SNAP91: variants seen among roughly 807,000 people sequenced by gnomAD.
SNAP91 encodes synaptosome associated protein 91, also known as clathrin coat assembly protein AP180.
Under a neutral mutation model 100.3 loss-of-function variants are expected in SNAP91, and 27 were observed. That is an observed-to-expected ratio of 0.27 (90% CI 0.20 to 0.37). The LOEUF (loss-of-function observed/expected upper bound fraction) is 0.37, where lower values mean the gene tolerates loss of function less well. Among genes scored for constraint, SNAP91 ranks in the 10% least tolerant of loss-of-function variants. The pLI is 1.00. For synonymous variants in SNAP91, 404 were observed against 398.6 expected (o/e 1.01, Z -0.16); for missense variants, 986 against 1,123.7 (o/e 0.88, Z 1.75).
rs1184488770 is a variant in SNAP91, at chr6:83,607,785, C to T, written c.936G>A (p.Thr312=). The change falls in exon 13 of 30, where the codon ACG becomes ACA. Residue 312 remains threonine (T), a synonymous_variant. Coordinates refer to ENST00000369694, the MANE Select transcript of SNAP91 (RefSeq NM_001242792.2). ...LSKSSPATTV[T]SPNSTPAKTI... ...TTTTAGCTGGTGTAGAATTAGGAGA[C>T]GTAACAGTTGTGGCTGGAGAAGACT... 1.1e-5 allele frequency: 17 copies of T among 1,589,790 alleles called. No homozygotes were observed. Among genetic ancestry groups the T allele is most frequent in the African/African-American group, 2.7e-5 (2 of 74,538 alleles).
At chr6:83,656,721 T>A in intron 7 of SNAP91, 33 bp downstream of exon 7, 1 of 985,036 alleles carries the variant, frequency 1.0e-6, no homozygotes, top group Non-Finnish European at 1.6e-6. Context: ...GTGTATCCCA[T>A]CAGCCCAGAC....
intron 7 of SNAP91, among the ~76,000 whole-genome samples, chr6:83,641,987 T>A (rs570385216): frequency 6.6e-6 from 1 of 152,232 alleles, no homozygotes; most frequent in Admixed American, 6.5e-5. Flanking sequence ...ACTTCATCAG[T>A]GTTTTAATCA....
chr6:83,657,789 C>T (rs1413981862), intron 6 of SNAP91, among the ~76,000 whole-genome samples: 1 of 148,892 alleles, frequency 6.7e-6, no homozygotes, highest in African/African-American at 2.5e-5. Context: ...TTTTTTGAGA[C>T]AGAGTCTCAC....
In SNAP91 at chr6:83,707,642, G is replaced by C. The variant is rs892692281; in HGVS notation, c.130+156C>G. Among the ~76,000 whole-genome samples the C allele has an allele frequency of 1.1e-4, 16 of 152,052 alleles. No individual in the cohort carries two copies. In the South Asian group the frequency reaches 2.3e-3, roughly 22 times the overall value. On this transcript the variant is annotated intron_variant, in intron 2 of 29. Transcript: ENST00000369694. ...AGACAAGGTTTCATGGCTAACCCAA[G>C]GGAACACCTTCACAGCTGAAGAATT...
chr6:83,665,782 T>C lies in SNAP91; in HGVS notation c.131-201A>G, dbSNP rs139491229. On this transcript the variant is annotated intron_variant, in intron 2 of 29. Transcript: ENST00000369694. ...ATATTATTTACCCAATATATTTATT[T>C]ATTCTTGAGTATATTTTGCTACTTA... 5.8e-3 allele frequency among the ~76,000 whole-genome samples: 879 copies of C among 152,200 alleles called. 30 individuals are homozygous for C. Among genetic ancestry groups the C allele is most frequent in the Admixed American group, 0.046 (694 of 15,236 alleles).
chr6:83,693,234 T>C (rs972447963), intron 2 of SNAP91, among the ~76,000 whole-genome samples: 23 of 152,150 alleles, frequency 1.5e-4, no homozygotes, highest in African/African-American at 4.8e-4. Context: ...TTAACCTCCT[T>C]GGGCATTGTT....
intron 11 of SNAP91, among the ~76,000 whole-genome samples, chr6:83,612,581 A>G (rs2096207033): frequency 6.6e-6 from 1 of 152,166 alleles, no homozygotes; most frequent in African/African-American, 2.4e-5. Flanking sequence ...ATACTAATAA[A>G]GAAAAGAGAA....
At chr6:83,690,600 A>G (rs2099118005) in intron 2 of SNAP91, among the ~76,000 whole-genome samples, 1 of 152,178 alleles carries the variant, frequency 6.6e-6, no homozygotes, top group African/African-American at 2.4e-5. Context: ...ATGCATTTCC[A>G]TAGGAATAAA....
intron 7 of SNAP91, among the ~76,000 whole-genome samples, chr6:83,654,219 G>A (rs1418717259): frequency 6.6e-6 from 1 of 152,084 alleles, no homozygotes; most frequent in African/African-American, 2.4e-5. Flanking sequence ...TAGTTCCTAT[G>A]GCAGCTTCCA....
chr6:83,700,923 T>C (rs2099290328), intron 2 of SNAP91, among the ~76,000 whole-genome samples: 1 of 152,136 alleles, frequency 6.6e-6, no homozygotes, highest in South Asian at 2.1e-4. Flanking sequence ...TAATTATCAC[T>C]CACTGGATTT....
intron 2 of SNAP91, among the ~76,000 whole-genome samples, chr6:83,678,532 T>C (rs965617260): frequency 1.3e-5 from 2 of 152,192 alleles, no homozygotes; most frequent in Non-Finnish European, 2.9e-5. Flanking sequence ...GTGAAACTTA[T>C]GTTTCCTAAA....
chr6:83,585,946 G>A (rs1316751200), intron 22 of SNAP91, among the ~76,000 whole-genome samples: 1 of 151,678 alleles, frequency 6.6e-6, no homozygotes, highest in Admixed American at 6.6e-5. Flanking sequence ...TGCCTCCTGG[G>A]TTCAAGCCAT....
At chr6:83,593,853 G>A (rs1252655433) in intron 17 of SNAP91, 112 bp from the exon 18 acceptor site, 2 of 1,424,184 alleles carry the variant, frequency 1.4e-6, no homozygotes, top group Non-Finnish European at 1.8e-6. Flanking sequence ...CACTAGCTAG[G>A]TGTGAGGCTC....
chr6:83,679,859 T>G (rs549945854), intron 2 of SNAP91, among the ~76,000 whole-genome samples: 92 of 152,292 alleles, frequency 6.0e-4, no homozygotes, highest in South Asian at 2.1e-3. Context: ...TTTCTAAGAT[T>G]TAAAAAGCTT....
rs748913020 is a variant in SNAP91 at position 83,593,181 on chromosome 6, C to T, written c.1774+1G>A. ...AAAAAAAAGGGTTGCTTTGGTTTTA[C>T]CTGTACTAAACAGGTCTATGCTAGG... On this transcript the variant is annotated splice_donor_variant, in intron 19 of 29. Coordinates refer to ENST00000369694, the MANE Select transcript of SNAP91 (RefSeq NM_001242792.2). LOFTEE classifies it high-confidence loss of function. 3 of 1,584,666 alleles carry T rather than the reference C, an allele frequency of 1.9e-6. No homozygotes were observed. The African/African-American group carries it at 4.0e-5, about 21-fold the overall frequency.
intron 3 of SNAP91, among the ~76,000 whole-genome samples, chr6:83,664,921 T>C (rs778129689): frequency 6.6e-6 from 1 of 152,020 alleles, no homozygotes; most frequent in Non-Finnish European, 1.5e-5. Context: ...GCAACCACCA[T>C]CCTAATCAGT....
intron 2 of SNAP91, among the ~76,000 whole-genome samples, chr6:83,666,012 A>C (rs2098675924): frequency 6.6e-6 from 1 of 152,138 alleles, no homozygotes; most frequent in Non-Finnish European, 1.5e-5. Context: ...AACAGCTAAA[A>C]GCATATCTCA....
At chr6:83,644,269 G>A (rs1305947153) in intron 7 of SNAP91, among the ~76,000 whole-genome samples, 1 of 151,866 alleles carries the variant, frequency 6.6e-6, no homozygotes. Flanking sequence ...GATAATTTAG[G>A]ACTCAGCAAT....
chr6:83,629,473 G>A (rs1353537914), intron 8 of SNAP91, among the ~76,000 whole-genome samples: 2 of 152,058 alleles, frequency 1.3e-5, no homozygotes, highest in Non-Finnish European at 2.9e-5. Flanking sequence ...TCTCAATACG[G>A]ATTCTACCCA....
Sources: allele counts gnomAD v4.1 joint callset (sites outside exome capture counted in the v4.1 genomes callset), GRCh38; gene constraint gnomAD v4.1.1; transcripts MANE v1.5; gene names NCBI Gene and HGNC (gene_info 2026-07-23, HGNC 2026-07-21).